The following RSPH14 variants were observed in gnomAD, a reference collection of about 807,000 sequenced individuals.
The protein encoded by RSPH14 is rhabdoid tumor deletion region gene 1.
RSPH14 carries 20 observed loss-of-function variants against 26.7 expected under a neutral mutation model. That is an observed-to-expected ratio of 0.75 (90% CI 0.53 to 1.09). RSPH14 has a LOEUF of 1.09. Ranked by LOEUF, RSPH14 falls within the 50% of genes least tolerant of loss-of-function variation. The pLI, the probability that RSPH14 is intolerant of heterozygous loss-of-function variation, is 0.00. For missense variants in RSPH14, 449 were observed against 457.2 expected, an observed-to-expected ratio of 0.98 and a Z score of 0.16; for synonymous variants, 177 against 189.3, an observed-to-expected ratio of 0.93 and a Z score of 0.53.
intron 4 of RSPH14, among the ~76,000 whole-genome samples, chr22:23,127,466 T>G (rs540849708): frequency 6.6e-6 from 1 of 152,288 alleles, no homozygotes; most frequent in African/African-American, 2.4e-5. Flanking sequence ...GGCCTGCTCC[T>G]CTAGGGCAGC....
At chr22:23,128,305 G>T (rs1053170870) in intron 4 of RSPH14, among the ~76,000 whole-genome samples, 1 of 152,194 alleles carries the variant, frequency 6.6e-6, no homozygotes, top group Non-Finnish European at 1.5e-5. Flanking sequence ...CACCGATAGG[G>T]ACACTCTGGC....
chr22:23,116,065 G>A (rs921513677), intron 4 of RSPH14, among the ~76,000 whole-genome samples: 1 of 152,272 alleles, frequency 6.6e-6, no homozygotes, highest in Non-Finnish European at 1.5e-5. Context: ...AGTCAAACAG[G>A]TGCCAGCCTC....
chr22:23,180,591 C>CGGCGGCGGCGGCGGCGGCG, the RSPH14 span: 2 of 27,550 alleles, frequency 7.3e-5, no homozygotes, highest in Non-Finnish European at 9.5e-5. Context: ...GCGGCGGCGG[C>CGGCGGCGGCGGCGGCGGCG]ACGGCGGCGG....
intron 4 of RSPH14, among the ~76,000 whole-genome samples, chr22:23,116,384 G>A (rs912568230): frequency 6.6e-6 from 1 of 152,244 alleles, no homozygotes; most frequent in African/African-American, 2.4e-5. Flanking sequence ...GTGGCTACGC[G>A]CCTGTGACAG....
At chr22:23,123,714 G>A (rs549229975) in intron 4 of RSPH14, 1 of 452,118 alleles carries the variant, frequency 2.2e-6, no homozygotes, top group Non-Finnish European at 4.0e-6. Context: ...CTGTCACAAG[G>A]TCACTACAAG....
At chr22:23,109,111 CCTT>C (rs1446232004) in intron 4 of RSPH14, among the ~76,000 whole-genome samples, 9 of 152,168 alleles carry the variant, frequency 5.9e-5, no homozygotes, top group Middle Eastern at 3.2e-3. Context: ...GCTCCAGCCT[CCTT>C]GGAAGACCTA....
chr22:23,151,300 G>T, the RSPH14 span, among the ~76,000 whole-genome samples: 3 of 152,224 alleles, frequency 2.0e-5, no homozygotes, highest in Non-Finnish European at 4.4e-5. Context: ...CAGCACTGGA[G>T]GTGGGGAAAC....
At chr22:23,153,276 C>T in the RSPH14 span, 17 of 685,096 alleles carry the variant, frequency 2.5e-5, no homozygotes, top group Non-Finnish European at 4.0e-5. Context: ...TGACACTTAG[C>T]TTCCTGGCTC....
intron 4 of RSPH14, among the ~76,000 whole-genome samples, chr22:23,108,061 C>T (rs931643421): frequency 3.3e-5 from 5 of 152,222 alleles, no homozygotes; most frequent in African/African-American, 4.8e-5. Context: ...CTGTGCCCCC[C>T]GCCCTGATCC....
upstream of RSPH14, chr22:23,142,139 G>T: frequency 1.7e-6 from 1 of 604,624 alleles, no homozygotes; most frequent in Non-Finnish European, 2.1e-6. Context: ...ATCATTTACA[G>T]GGTTGCTGTG....
intron 4 of RSPH14, among the ~76,000 whole-genome samples, chr22:23,094,363 G>A (rs2069065268): frequency 1.3e-5 from 2 of 152,060 alleles, no homozygotes; most frequent in South Asian, 2.1e-4. Context: ...ATCCTAGGGT[G>A]TGCCCCTCCC....
chr22:23,165,040 C>T, the RSPH14 span, among the ~76,000 whole-genome samples: 22 of 152,290 alleles, frequency 1.4e-4, no homozygotes, highest in East Asian at 5.8e-4. Flanking sequence ...CCACAGCTCT[C>T]GCAGCACTTG....
At chr22:23,123,624 G>GAC in intron 4 of RSPH14, 1 of 595,030 alleles carries the variant, frequency 1.7e-6, no homozygotes, top group East Asian at 2.8e-5. Flanking sequence ...TAGGTAGATA[G>GAC]ACACACACAC....
intron 4 of RSPH14, among the ~76,000 whole-genome samples, chr22:23,066,302 A>C (rs185225309): frequency 1.3e-5 from 2 of 152,118 alleles, no homozygotes; most frequent in East Asian, 3.9e-4. Flanking sequence ...TTAGGGGAGG[A>C]ATATAGAAGG....
chr22:23,131,439 A>G, intron 4 of RSPH14: 1 of 363,424 alleles, frequency 2.8e-6, no homozygotes, highest in Non-Finnish European at 5.2e-6. Context: ...GGGTGCTTGG[A>G]CTGTACCTAT....
At chr22:23,086,891 C>T (rs1368009916) in intron 4 of RSPH14, among the ~76,000 whole-genome samples, 1 of 152,216 alleles carries the variant, frequency 6.6e-6, no homozygotes, top group Non-Finnish European at 1.5e-5. Flanking sequence ...ACCGAGGAGG[C>T]CCCTACAGGT....
chr22:23,077,966 C>G (rs1238522741), intron 4 of RSPH14, among the ~76,000 whole-genome samples: 1 of 152,232 alleles, frequency 6.6e-6, no homozygotes, highest in Non-Finnish European at 1.5e-5. Flanking sequence ...GGCCCTCATG[C>G]CTCCTCCTGC....
At chr22:23,125,604 C>G (rs1055573361) in intron 4 of RSPH14, among the ~76,000 whole-genome samples, 2 of 152,194 alleles carry the variant, frequency 1.3e-5, no homozygotes, top group African/African-American at 4.8e-5. Context: ...TGCTGCGAAC[C>G]AGGCACGGAG....
At chr22:23,156,019 C>G in the RSPH14 span, 3 of 1,612,546 alleles carry the variant, frequency 1.9e-6, no homozygotes, top group Non-Finnish European at 2.5e-6. Flanking sequence ...CTGCCTACTA[C>G]CGGGGTGCCC....
Sources: gnomAD v4.1 joint callset for allele counts (sites outside exome capture counted in the v4.1 genomes callset) on GRCh38, gnomAD v4.1.1 for gene constraint, MANE v1.5 for transcripts, NCBI Gene and HGNC (gene_info 2026-07-23, HGNC 2026-07-21) for gene names.